The following ERCC5 variants were observed in gnomAD, a reference collection of about 807,000 sequenced individuals.
ERCC5 encodes the protein ERCC excision repair 5, endonuclease, also known as DNA excision repair protein ERCC-5.
A neutral mutation model predicts 105.6 loss-of-function variants in ERCC5; 68 were observed. The observed-to-expected ratio is 0.64, with a 90% confidence interval of 0.53 to 0.79. The LOEUF (loss-of-function observed/expected upper bound fraction) is 0.79, where lower values mean the gene tolerates loss of function less well. Among genes scored for constraint, ERCC5 ranks in the 30% least tolerant of loss-of-function variants. ERCC5 has a pLI of 0.00. For synonymous variants in ERCC5, 546 were observed against 526.2 expected, an observed-to-expected ratio of 1.04 and a Z score of -0.51; for missense variants, 1,373 against 1,426.7, an observed-to-expected ratio of 0.96 and a Z score of 0.61.
rs574826021 is a variant in ERCC5, at chr13:102,873,269, C to T, written c.2890C>T (p.Arg964Trp). The T allele has an allele frequency of 2.4e-4, 382 of 1,614,034 alleles. 2 individuals are homozygous for T. The South Asian group carries it at 3.6e-3, about 15-fold the overall frequency. Residue 964 changes from arginine (R) to tryptophan (W), a missense_variant, in exon 14 of 15, where the codon CGG (arginine) becomes TGG (tryptophan). Coordinates refer to ENST00000652225, the MANE Select transcript of ERCC5 (RefSeq NM_000123.4). The part of the protein sequence containing the change: ...DLDKIREFCQ[R>W]YFGWNRTKTD... ...CTTAACTGCATGCATATTTTGTCAG[C>T]GGTATTTCGGCTGGAACAGAACGAA...
In ERCC5 at chr13:102,863,112, C is replaced by T. The variant is rs931406119; in HGVS notation, c.1954+9C>T. The T allele has an allele frequency of 1.1e-5, 18 of 1,612,068 alleles. No individual in the cohort carries two copies. Among genetic ancestry groups the T allele is most frequent in the Non-Finnish European group, 1.5e-5 (18 of 1,179,644 alleles). On this transcript the variant is annotated intron_variant, in intron 8 of 14. Coordinates refer to ENST00000652225, the MANE Select transcript of ERCC5 (RefSeq NM_000123.4). Reference sequence around the variant, plus strand: ...AGAAAGTGAATCTGATGGTACGTGTCTGTGCTTTTGTAGAAATCTGGAACG... The same window carrying T: ...AGAAAGTGAATCTGATGGTACGTGTTTGTGCTTTTGTAGAAATCTGGAACG...
chr13:102,856,839 C>CAGA (rs1369909788), intron 5 of ERCC5, among the ~76,000 whole-genome samples: 1 of 152,212 alleles, frequency 6.6e-6, no homozygotes, highest in Non-Finnish European at 1.5e-5. Flanking sequence ...ATTTTCCCAG[C>CAGA]ATGATGACTG....
chr13:102,867,808 A>T (rs1390802190), intron 11 of ERCC5, among the ~76,000 whole-genome samples: 1 of 152,178 alleles, frequency 6.6e-6, no homozygotes, highest in African/African-American at 2.4e-5. Flanking sequence ...TGCTCATTGG[A>T]TACCCAGTGG....
chr13:102,849,308 A>C (rs1216541140), intron 1 of ERCC5: 1 of 518,740 alleles, frequency 1.9e-6, no homozygotes. Flanking sequence ...TCACATGTTC[A>C]TCAAAGTTAT....
At position 102,862,926 on chromosome 13, in the gene ERCC5, C is replaced by T; in HGVS notation, c.1777C>T (p.Pro593Ser). 1 of 1,614,122 alleles carries T rather than the reference C, an allele frequency of 6.2e-7. No homozygotes were observed. Among genetic ancestry groups the T allele is most frequent in the South Asian group, 1.1e-5 (1 of 91,074 alleles). Reference sequence around the variant, plus strand: ...AGAAACAAGTAGCATAGTAAGTGTCCCTTCAGAGGCAGTAGATAATGTGGA... The same window carrying T: ...AGAAACAAGTAGCATAGTAAGTGTCTCTTCAGAGGCAGTAGATAATGTGGA... ...LQETSSIVSV[P>S]SEAVDNVENV... Residue 593 changes from proline to serine, a missense_variant, in exon 8 of 15, where the codon CCT (proline) becomes TCT (serine). Transcript: ENST00000652225.
In ERCC5 at chr13:102,868,162, TTA is replaced by T; in HGVS notation, c.2586_2587del (p.Thr863ArgfsTer17). 5 of 1,614,226 alleles carry T rather than the reference TTA, an allele frequency of 3.1e-6. No homozygotes were observed. The highest frequency in any genetic ancestry group is 4.2e-6 in the Non-Finnish European group (5 of 1,180,034). On this transcript the variant is annotated frameshift_variant, in exon 12 of 15. Coordinates refer to ENST00000652225, the MANE Select transcript of ERCC5 (RefSeq NM_000123.4). LOFTEE classifies it high-confidence loss of function. ...INLAYLLGSD[Y>X]TEGIPTVGCV... ...ATTTGGCTTATTTGCTTGGAAGTGA[TTA>T]TACCGAAGGAATACCAACTGTGGGT... is the stretch of plus-strand genomic sequence containing the variant.
intron 6 of ERCC5, 47 bp downstream of exon 6, chr13:102,858,465 C>G (rs780051068): frequency 6.2e-7 from 1 of 1,613,300 alleles, no homozygotes; most frequent in East Asian, 2.2e-5. Flanking sequence ...AGAACTTCAG[C>G]AAAACTTTTT....
At chr13:102,849,854 G>A (rs7328951) in intron 1 of ERCC5, among the ~76,000 whole-genome samples, 2 of 151,896 alleles carry the variant, frequency 1.3e-5, no homozygotes, top group African/African-American at 4.8e-5. Context: ...GAAATAACGT[G>A]ATAGGTGGCC....
chr13:102,861,362 G>C, intron 6 of ERCC5, 145 bp from the exon 7 acceptor site: 1 of 854,582 alleles, frequency 1.2e-6, no homozygotes, highest in South Asian at 1.8e-5. Flanking sequence ...AGTTTTTCTT[G>C]TTATTCACCT....
Position 102,862,742 on chromosome 13 carries a change from T to C in ERCC5, c.1593T>C (p.Asn531=), listed in dbSNP as rs762970178. 2.1e-5 allele frequency: 34 copies of C among 1,614,104 alleles called. No homozygotes were observed. The highest frequency in any genetic ancestry group is 2.8e-5 in the Non-Finnish European group (33 of 1,180,048). The change falls in exon 8 of 15, where the codon AAT becomes AAC. Residue 531 remains asparagine, a synonymous_variant. Transcript: ENST00000652225. ...ELTPASPTCT[N]SVSKNETHAE... is the part of the protein sequence containing the mutation. ...CACCGGCATCTCCAACTTGTACAAA[T>C]TCTGTGTCAAAGAATGAAACACATG...
rs1242579404 is a variant in ERCC5 at position 102,853,836 on chromosome 13, AAAGAC to A, written c.348_352del (p.Arg116SerfsTer12). ...GAGAAGCTTCTGAAAACATTTTTGA[AAAGAC>A]AAGCCATCAAAACTGCCTTCAGAAG... On this transcript the variant is annotated frameshift_variant, in exon 3 of 15. Coordinates refer to ENST00000652225, the MANE Select transcript of ERCC5 (RefSeq NM_000123.4). LOFTEE classifies it high-confidence loss of function. The A allele has an allele frequency of 1.9e-6, 3 of 1,614,244 alleles. No homozygotes were observed. Among genetic ancestry groups the A allele is most frequent in the Non-Finnish European group, 1.7e-6 (2 of 1,180,044 alleles).
Position 102,862,374 on chromosome 13 carries a change from G to A in ERCC5, c.1225G>A (p.Val409Met), listed in dbSNP as rs761175210. ...EDVKVCAGDD[V>M]QTGGPGAEEM... ...TGTAAAAGTGTGTGCTGGGGATGAT[G>A]TGCAGACGGGAGGGCCAGGAGCAGA... The change falls in exon 8 of 15, where the codon GTG (valine) becomes ATG (methionine). Residue 409 changes from valine (V) to methionine (M), a missense_variant. Val to Met is a conservative substitution (Grantham distance 21). Coordinates refer to ENST00000652225, the MANE Select transcript of ERCC5 (RefSeq NM_000123.4). 102 of 1,614,066 alleles carry A rather than the reference G, an allele frequency of 6.3e-5. No individual in the cohort carries two copies. The highest frequency in any genetic ancestry group is 8.3e-5 in the Non-Finnish European group (98 of 1,180,052).
intron 9 of ERCC5, 34 bp from the exon 10 acceptor site, chr13:102,866,228 A>C: frequency 6.2e-7 from 1 of 1,609,986 alleles, no homozygotes; most frequent in Non-Finnish European, 8.5e-7. Context: ...TTGGATTATT[A>C]ATATAAATCT....
chr13:102,870,595 C>T (rs1703727325), intron 12 of ERCC5, among the ~76,000 whole-genome samples: 1 of 152,236 alleles, frequency 6.6e-6, no homozygotes, highest in South Asian at 2.1e-4. Context: ...GTTTCAAAAA[C>T]GAAAATCTGC....
chr13:102,854,336 C>G lies in ERCC5; in HGVS notation c.429C>G (p.Leu143=), dbSNP rs4140390. ...SLTQVRREND[L]YVLPPLQEEE... Reference sequence around the variant, plus strand: ...CCCAAGTTCGAAGAGAAAACGACCTCTATGTTTTGCCTCCTTTACAAGAGG... The same window carrying G: ...CCCAAGTTCGAAGAGAAAACGACCTGTATGTTTTGCCTCCTTTACAAGAGG... Residue 143 remains leucine (L), a synonymous_variant, in exon 4 of 15, where the codon CTC becomes CTG. Coordinates refer to ENST00000652225, the MANE Select transcript of ERCC5 (RefSeq NM_000123.4). The G allele has an allele frequency of 5.4e-3, 8,722 of 1,614,102 alleles. 269 individuals carry two copies. The African/African-American group carries it at 0.079, about 15-fold the overall frequency.
In ERCC5 at chr13:102,862,990, T is replaced by A. The variant is rs1225366463; in HGVS notation, c.1841T>A (p.Phe614Tyr). Residue 614 changes from phenylalanine to tyrosine, a missense_variant, in exon 8 of 15, where the codon TTT becomes TAT. Coordinates refer to ENST00000652225, the MANE Select transcript of ERCC5 (RefSeq NM_000123.4). ...VSFNAKEHEN[F>Y]LETIQEQQTT... ...TTTAATGCTAAAGAGCATGAGAATT[T>A]TCTGGAAACCATCCAAGAACAGCAG... 9.3e-6 allele frequency: 15 copies of A among 1,614,222 alleles called. No individual in the cohort carries two copies. The highest frequency in any genetic ancestry group is 1.3e-5 in the Non-Finnish European group (15 of 1,180,034).
At chr13:102,861,378 A>G (rs950326717) in intron 6 of ERCC5, 129 bp from the exon 7 acceptor site, 4 of 945,396 alleles carry the variant, frequency 4.2e-6, no homozygotes, top group Non-Finnish European at 6.4e-6. Flanking sequence ...CACCTTTTAT[A>G]ATATGAAACT....
chr13:102,858,816 G>A (rs1882520006), intron 6 of ERCC5: 1 of 441,668 alleles, frequency 2.3e-6, no homozygotes, highest in Non-Finnish European at 4.5e-6. Flanking sequence ...GGTCATAAAA[G>A]TTATTGTAAC....
chr13:102,860,100 G>A (rs1330190094), intron 6 of ERCC5, among the ~76,000 whole-genome samples: 2 of 152,114 alleles, frequency 1.3e-5, no homozygotes, highest in Non-Finnish European at 2.9e-5. Flanking sequence ...CAACTGTCGC[G>A]ATATTGCAGT....
Sources: gnomAD v4.1 joint callset for allele counts (sites outside exome capture counted in the v4.1 genomes callset) on GRCh38, gnomAD v4.1.1 for gene constraint, MANE v1.5 for transcripts, NCBI Gene and HGNC (gene_info 2026-07-23, HGNC 2026-07-21) for gene names.